Variants in DSCAM observed in about 807,000 individuals in gnomAD.
The protein encoded by DSCAM is DS cell adhesion molecule, also known as cell adhesion molecule DSCAM.
A neutral mutation model predicts 217.7 loss-of-function variants in DSCAM; 47 were observed. That is an observed-to-expected ratio of 0.22 (90% confidence interval 0.17 to 0.28). DSCAM has a LOEUF of 0.28. Ranked by LOEUF, DSCAM falls within the 10% of genes least tolerant of loss-of-function variation. The pLI, the probability that DSCAM is intolerant of heterozygous loss-of-function variation, is 1.00. For missense variants in DSCAM, 2,080 were observed against 2,618.3 expected, an observed-to-expected ratio of 0.79 and a Z score of 4.49; for synonymous variants, 1,056 against 1,015.3, an observed-to-expected ratio of 1.04 and a Z score of -0.76.
At chr21:40,827,084 G>A (rs2091974674) in intron 1 of DSCAM, among the ~76,000 whole-genome samples, 1 of 152,080 alleles carries the variant, frequency 6.6e-6, no homozygotes, top group South Asian at 2.1e-4. Context: ...TAATTAGAGG[G>A]AAGAAGCTCA....
At chr21:40,790,713 A>T (rs1394180956) in intron 1 of DSCAM, among the ~76,000 whole-genome samples, 2 of 152,236 alleles carry the variant, frequency 1.3e-5, no homozygotes, top group Non-Finnish European at 2.9e-5. Context: ...ACACAGCATC[A>T]CAGATGTTTG....
At chr21:40,329,675 A>G (rs2074355815) in intron 8 of DSCAM, among the ~76,000 whole-genome samples, 1 of 151,326 alleles carries the variant, frequency 6.6e-6, no homozygotes, top group Admixed American at 6.6e-5. Context: ...ATAAAAAATA[A>G]AATAAGGACC....
chr21:40,408,606 G>A (rs1276010915), intron 3 of DSCAM, among the ~76,000 whole-genome samples: 1 of 152,162 alleles, frequency 6.6e-6, no homozygotes, highest in East Asian at 1.9e-4. Flanking sequence ...GGTTCTTGTA[G>A]GTTTCTTCTA....
chr21:40,288,373 G>A (rs1168595012), intron 10 of DSCAM, among the ~76,000 whole-genome samples: 1 of 152,130 alleles, frequency 6.6e-6, no homozygotes, highest in African/African-American at 2.4e-5. Context: ...TTAAATTTAT[G>A]ATCCTCCAAA....
Position 40,807,073 on chromosome 21 carries a change from C to T in DSCAM, c.43+39546G>A, listed in dbSNP as rs141810159. 5.2e-3 allele frequency among the ~76,000 whole-genome samples: 793 copies of T among 152,016 alleles called. 11 individuals carry two copies. The highest frequency in any genetic ancestry group is 0.018 in the African/African-American group (732 of 41,418). ...TGTATACCTATGTAACAAATCTGCACGTTCTGCACATGTATCCCAGAACTT... is the reference window on the plus strand; with the variant it reads ...TGTATACCTATGTAACAAATCTGCATGTTCTGCACATGTATCCCAGAACTT... On this transcript the variant is annotated intron_variant, in intron 1 of 32. Transcript: ENST00000400454.
intron 3 of DSCAM, among the ~76,000 whole-genome samples, chr21:40,476,632 T>G (rs1482890675): frequency 6.6e-6 from 1 of 152,174 alleles, no homozygotes; most frequent in Non-Finnish European, 1.5e-5. Flanking sequence ...TCTAGGAATT[T>G]CAGAAGACTA....
At chr21:40,618,022 T>C (rs2089428137) in intron 3 of DSCAM, among the ~76,000 whole-genome samples, 1 of 152,210 alleles carries the variant, frequency 6.6e-6, no homozygotes, top group African/African-American at 2.4e-5. Context: ...ACCATAGGAA[T>C]TGTCAGGTCT....
Position 40,144,349 on chromosome 21 carries a change from G to C in DSCAM, c.3259+142C>G, listed in dbSNP as rs1334479679. On this transcript the variant is annotated intron_variant, in intron 17 of 32. Transcript: ENST00000400454. The surrounding 1 kb of genome is among the most constrained non-coding windows in gnomAD (Gnocchi z 4.8). ...GGGGTGGGCGAGGTCACGAGGGAAG[G>C]CTTTTCCACCCGAGACCCCAGGCCC... is the stretch of plus-strand genomic sequence containing the variant. The C allele has an allele frequency of 2.9e-6, 4 of 1,368,580 alleles. No individual in the cohort carries two copies. The highest frequency in any genetic ancestry group is 2.7e-5 in the South Asian group (2 of 72,738). 84.8% of individuals were successfully genotyped at this position (1,368,580 alleles called of 1,614,324 possible).
At chr21:40,622,871 C>CAAA (rs35404997) in intron 3 of DSCAM, among the ~76,000 whole-genome samples, 1 of 141,858 alleles carries the variant, frequency 7.0e-6, no homozygotes, top group African/African-American at 2.6e-5. Flanking sequence ...GTACATGATA[C>CAAA]AAAAAAAAAA....
Position 40,620,055 on chromosome 21 carries a change from AAAAG to A in DSCAM, c.508+72751_508+72754del, listed in dbSNP as rs1276050906. Reference sequence around the variant, plus strand: ...GAGAGAGAAAGAGAGAGAAAAAAGAAAAAGAAAGAAAGAGAGAAAGAGAAAAAAG... The same window carrying A: ...GAGAGAGAAAGAGAGAGAAAAAAGAAAAAGAAAGAGAGAAAGAGAAAAAAG... On this transcript the variant is annotated intron_variant, in intron 3 of 32. Transcript: ENST00000400454. Among the ~76,000 whole-genome samples, 57 of 114,114 alleles carry A rather than the reference AAAAG, an allele frequency of 5.0e-4. 3 individuals carry two copies. The highest frequency in any genetic ancestry group is 3.7e-3 in the East Asian group (12 of 3,236). 74.9% of individuals were successfully genotyped at this position (114,114 alleles called of 152,430 possible).
chr21:40,628,007 T>A (rs1454948495), intron 3 of DSCAM, among the ~76,000 whole-genome samples: 3 of 152,218 alleles, frequency 2.0e-5, no homozygotes, highest in Non-Finnish European at 4.4e-5. Flanking sequence ...ATTCAGATGG[T>A]ACATTTGACC....
chr21:40,239,376 C>A (rs2073118495), intron 11 of DSCAM, among the ~76,000 whole-genome samples: 1 of 151,912 alleles, frequency 6.6e-6, no homozygotes, highest in Non-Finnish European at 1.5e-5. Flanking sequence ...GAGAAGTAGG[C>A]CTGTTTTGTA....
intron 9 of DSCAM, among the ~76,000 whole-genome samples, chr21:40,300,064 C>T (rs770935766): frequency 1.3e-5 from 2 of 152,014 alleles, no homozygotes; most frequent in African/African-American, 2.4e-5. Flanking sequence ...GAGAGGATCC[C>T]CCACTGTGGC....
chr21:40,364,888 C>T (rs907872763), intron 4 of DSCAM, among the ~76,000 whole-genome samples: 1 of 148,992 alleles, frequency 6.7e-6, no homozygotes, highest in Non-Finnish European at 1.5e-5. Flanking sequence ...TGTATAAATG[C>T]CTTACATTTT....
At chr21:40,496,734 C>T (rs150603084) in intron 3 of DSCAM, among the ~76,000 whole-genome samples, 130 of 152,062 alleles carry the variant, frequency 8.5e-4, no homozygotes, top group African/African-American at 2.7e-3. Flanking sequence ...TATTTTCAAG[C>T]CATATGTCTG....
At chr21:40,555,518 C>T (rs2076663951) in intron 3 of DSCAM, among the ~76,000 whole-genome samples, 1 of 152,146 alleles carries the variant, frequency 6.6e-6, no homozygotes, top group South Asian at 2.1e-4. Flanking sequence ...AAATTTTAAA[C>T]CCACATTATA....
chr21:40,097,109 A>C (rs982499011), intron 20 of DSCAM, among the ~76,000 whole-genome samples: 3 of 152,132 alleles, frequency 2.0e-5, no homozygotes, highest in African/African-American at 4.8e-5. Context: ...AAGTAGAAAA[A>C]GGAGGTAATT....
At chr21:40,751,942 G>C (rs113219140) in intron 1 of DSCAM, among the ~76,000 whole-genome samples, 21 of 152,210 alleles carry the variant, frequency 1.4e-4, no homozygotes, top group African/African-American at 5.1e-4. Flanking sequence ...CCACTGATCT[G>C]ATGCCTCTGT....
chr21:40,812,194 T>G (rs961286429), intron 1 of DSCAM, among the ~76,000 whole-genome samples: 12 of 152,144 alleles, frequency 7.9e-5, no homozygotes, highest in African/African-American at 2.9e-4. Flanking sequence ...CAGAAAAATA[T>G]AGCAAATCAA....
Sources: gnomAD v4.1 joint callset for allele counts (sites outside exome capture counted in the v4.1 genomes callset) on GRCh38, gnomAD v4.1.1 for gene constraint, Gnocchi (gnomAD v3.1) non-coding constraint, MANE v1.5 for transcripts, NCBI Gene and HGNC (gene_info 2026-07-23, HGNC 2026-07-21) for gene names.